GPC5: variants seen among roughly 807,000 people sequenced by gnomAD.
GPC5 encodes glypican-5.
A neutral mutation model predicts 53.9 loss-of-function variants in GPC5; 47 were observed. The ratio of observed to expected loss-of-function variants is 0.87; its 90% CI spans 0.69 to 1.11. The LOEUF (loss-of-function observed/expected upper bound fraction) is 1.11, where lower values mean the gene tolerates loss of function less well. Among genes scored for constraint, GPC5 ranks in the 50% most tolerant of loss-of-function variants. The pLI, the probability that GPC5 is intolerant of heterozygous loss-of-function variation, is 0.00. For missense variants in GPC5, 748 were observed against 713.1 expected, an observed-to-expected ratio of 1.05 and a Z score of -0.56; for synonymous variants, 286 against 263.3, an observed-to-expected ratio of 1.09 and a Z score of -0.84.
At chr13:92,342,922 A>G (rs182048987) in intron 7 of GPC5, among the ~76,000 whole-genome samples, 38 of 152,272 alleles carry the variant, frequency 2.5e-4, no homozygotes, top group Admixed American at 2.2e-3. Flanking sequence ...ATGTACAAAT[A>G]TCTCCATGCA....
At chr13:92,434,773 T>C (rs1877234509) in intron 7 of GPC5, among the ~76,000 whole-genome samples, 1 of 152,116 alleles carries the variant, frequency 6.6e-6, no homozygotes, top group African/African-American at 2.4e-5. Context: ...CTCCTAAAGG[T>C]CACATTTGGT....
intron 2 of GPC5, among the ~76,000 whole-genome samples, chr13:91,497,420 A>AT (rs1191138647): frequency 1.3e-5 from 2 of 151,958 alleles, no homozygotes; most frequent in East Asian, 3.9e-4. Flanking sequence ...ATGGCTCATT[A>AT]TTTTTCTACT....
intron 2 of GPC5, among the ~76,000 whole-genome samples, chr13:91,497,297 A>G (rs1024669254): frequency 2.0e-4 from 27 of 136,884 alleles, no homozygotes; most frequent in Admixed American, 1.7e-3. Flanking sequence ...GATATAGTTT[A>G]TGCTTCAGAT....
chr13:92,227,153 A>T (rs1476713241), intron 7 of GPC5, among the ~76,000 whole-genome samples: 1 of 152,174 alleles, frequency 6.6e-6, no homozygotes, highest in African/African-American at 2.4e-5. Context: ...TGAATAGTAA[A>T]GTCTCTGGAC....
intron 4 of GPC5, among the ~76,000 whole-genome samples, chr13:91,736,566 T>C (rs2036819847): frequency 6.6e-6 from 1 of 151,318 alleles, no homozygotes; most frequent in Non-Finnish European, 1.5e-5. Context: ...TTGGATTTCC[T>C]ACTATAACCC....
rs1043413902 is a variant in GPC5, at chr13:91,918,967, A to T, written c.1401+10910A>T. Reference sequence around the variant, plus strand: ...CCAAGATGTTTCTTCTGAGTCTCAGATACTTCAGTCTACCATTGTATTGGG... The same window carrying T: ...CCAAGATGTTTCTTCTGAGTCTCAGTTACTTCAGTCTACCATTGTATTGGG... On this transcript the variant is annotated intron_variant, in intron 6 of 7. Transcript: ENST00000377067. Among the ~76,000 whole-genome samples the T allele has an allele frequency of 9.9e-5, 15 of 152,064 alleles. 1 individual carries two copies. The highest frequency in any genetic ancestry group is 2.9e-5 in the Non-Finnish European group (2 of 68,022).
In GPC5 at chr13:92,358,500, C is replaced by T. The variant is rs533769164; in HGVS notation, c.1561+213511C>T. On this transcript the variant is annotated intron_variant, in intron 7 of 7. Coordinates refer to ENST00000377067, the MANE Select transcript of GPC5 (RefSeq NM_004466.6). ...TGGGGACTCGGCATGGTGGCTCCAA[C>T]CCCACATTTCCCCTGTGCACTACCC... 1.4e-4 allele frequency among the ~76,000 whole-genome samples: 21 copies of T among 151,824 alleles called. No individual in the cohort carries two copies. In the South Asian group the frequency reaches 4.3e-3, roughly 31 times the overall value.
rs367650651 is a variant in GPC5, at chr13:91,543,167, A to G, written c.325+94245A>G. On this transcript the variant is annotated intron_variant, in intron 2 of 7. Coordinates refer to ENST00000377067, the MANE Select transcript of GPC5 (RefSeq NM_004466.6). ...CACCGAGCCTGGCCACTAATTTTGT[A>G]TTTTTAATAGAGACCTGGATTCTCC... Among the ~76,000 whole-genome samples, 29 of 151,824 alleles carry G rather than the reference A, an allele frequency of 1.9e-4. No individual in the cohort carries two copies. In the East Asian group the frequency reaches 5.5e-3, roughly 29 times the overall value.
At chr13:92,642,323 C>T (rs1408842946) in intron 7 of GPC5, among the ~76,000 whole-genome samples, 3 of 152,156 alleles carry the variant, frequency 2.0e-5, no homozygotes, top group African/African-American at 7.2e-5. Flanking sequence ...TACAGGGCTT[C>T]TACCTTTCAT....
At chr13:92,305,456 C>CT (rs957032872) in intron 7 of GPC5, among the ~76,000 whole-genome samples, 13 of 151,916 alleles carry the variant, frequency 8.6e-5, no homozygotes, top group African/African-American at 2.7e-4. Context: ...AGCCTCTACC[C>CT]TTTTTTTTAA....
chr13:91,636,907 A>G (rs1452292880), intron 2 of GPC5, among the ~76,000 whole-genome samples: 1 of 152,222 alleles, frequency 6.6e-6, no homozygotes, highest in Non-Finnish European at 1.5e-5. Context: ...GTAGTGAGCT[A>G]TGATCCAGTA....
At chr13:91,814,825 G>A (rs1184680164) in intron 5 of GPC5, among the ~76,000 whole-genome samples, 3 of 152,162 alleles carry the variant, frequency 2.0e-5, no homozygotes, top group African/African-American at 7.2e-5. Context: ...ACAGGCATAA[G>A]CCACCGCACC....
Position 92,414,940 on chromosome 13 carries a change from C to T in GPC5, c.1561+269951C>T, listed in dbSNP as rs900464998. Among the ~76,000 whole-genome samples, 9 of 152,270 alleles carry T rather than the reference C, an allele frequency of 5.9e-5. No homozygotes were observed. In the East Asian group the frequency reaches 7.7e-4, roughly 13 times the overall value. On this transcript the variant is annotated intron_variant, in intron 7 of 7. Coordinates refer to ENST00000377067, the MANE Select transcript of GPC5 (RefSeq NM_004466.6). ...ACATTGGGGATTAAGTTTCAGCATA[C>T]GCATTTTCGGGGATATAGACATTCA...
chr13:91,843,986 G>A (rs1762896818), intron 5 of GPC5, among the ~76,000 whole-genome samples: 1 of 152,144 alleles, frequency 6.6e-6, no homozygotes, highest in African/African-American at 2.4e-5. Context: ...TTGGGTCTGT[G>A]AACAAAACTA....
rs552788817 is a variant in GPC5 at position 91,651,027 on chromosome 13, G to A, written c.326-42160G>A. 6.3e-4 allele frequency among the ~76,000 whole-genome samples: 96 copies of A among 152,188 alleles called. 1 individual carries two copies. The Middle Eastern group carries it at 0.017, about 27-fold the overall frequency. On this transcript the variant is annotated intron_variant, in intron 2 of 7. Coordinates refer to ENST00000377067, the MANE Select transcript of GPC5 (RefSeq NM_004466.6). ...CAAATGTCAGGCTGGGTTCTCAGTA[G>A]TGATTTATATTTGGCAAGAGTTTTA...
intron 2 of GPC5, among the ~76,000 whole-genome samples, chr13:91,609,889 G>T (rs963889445): frequency 6.6e-6 from 1 of 152,186 alleles, no homozygotes; most frequent in African/African-American, 2.4e-5. Flanking sequence ...CATTCGGCCT[G>T]AGAATTGCTA....
At chr13:92,623,848 C>CTATTTATTTATTTATT (rs66684933) in intron 7 of GPC5, among the ~76,000 whole-genome samples, 1 of 149,758 alleles carries the variant, frequency 6.7e-6, no homozygotes, top group Non-Finnish European at 1.5e-5. Context: ...CTGATAGTGT[C>CTATTTATTTATTTATT]TATTTATTTA....
chr13:91,670,060 G>A (rs914557), intron 2 of GPC5, among the ~76,000 whole-genome samples: 38,387 of 152,006 alleles, frequency 0.25, 6,793 homozygotes, highest in African/African-American at 0.49. Context: ...ATGGCCTTCC[G>A]TGGAGAACTG....
intron 7 of GPC5, among the ~76,000 whole-genome samples, chr13:92,554,461 T>A (rs1305547655): frequency 6.6e-6 from 1 of 151,662 alleles, no homozygotes; most frequent in East Asian, 1.9e-4. Context: ...CTATTGTATT[T>A]TCCTACCTGT....
Sources: allele counts gnomAD v4.1 joint callset (sites outside exome capture counted in the v4.1 genomes callset), GRCh38; gene constraint gnomAD v4.1.1; transcripts MANE v1.5; gene names NCBI Gene and HGNC (gene_info 2026-07-23, HGNC 2026-07-21).